Variants in PLPPR5 observed in about 807,000 individuals in gnomAD.
The protein encoded by PLPPR5 is phospholipid phosphatase related 5.
Under a neutral mutation model 33.9 loss-of-function variants are expected in PLPPR5, and 16 were observed. That is an observed-to-expected ratio of 0.47 (90% CI 0.32 to 0.72). The LOEUF (loss-of-function observed/expected upper bound fraction) is 0.72. Among genes scored for constraint, PLPPR5 ranks in the 30% least tolerant of loss-of-function variants. PLPPR5 has a pLI of 0.03. For missense variants in PLPPR5, 301 were observed against 406.7 expected (o/e 0.74, Z 2.23); for synonymous variants, 163 against 150.3 (o/e 1.08, Z -0.62).
intron 3 of PLPPR5, among the ~76,000 whole-genome samples, chr1:98,936,138 A>AT (rs1375334770): frequency 3.9e-5 from 6 of 152,234 alleles, no homozygotes; most frequent in African/African-American, 7.2e-5. Flanking sequence ...TTTGAGAATT[A>AT]TAATAGTACC....
At chr1:98,936,558 C>T (rs1434782850) in intron 3 of PLPPR5, among the ~76,000 whole-genome samples, 1 of 152,226 alleles carries the variant, frequency 6.6e-6, no homozygotes, top group African/African-American at 2.4e-5. Context: ...GTATCTCCAA[C>T]TATGGGATTG....
At chr1:99,005,578 C>T (rs1003537669), upstream of PLPPR5, among the ~76,000 whole-genome samples, 1 of 152,190 alleles carries the variant, frequency 6.6e-6, no homozygotes, top group Non-Finnish European at 1.5e-5. Flanking sequence ...CATTCTCTTG[C>T]TCATCTTTTC....
intron 5 of PLPPR5, among the ~76,000 whole-genome samples, chr1:98,913,296 A>G (rs1649220585): frequency 6.6e-6 from 1 of 152,234 alleles, no homozygotes; most frequent in South Asian, 2.1e-4. Flanking sequence ...TTTATTGAGT[A>G]TCAACTATTT....
chr1:98,980,436 A>G (rs1016826223), intron 1 of PLPPR5, among the ~76,000 whole-genome samples: 2 of 152,100 alleles, frequency 1.3e-5, no homozygotes, highest in African/African-American at 4.8e-5. Context: ...AGCCTGTCTT[A>G]TGTGCTCTTT....
intron 3 of PLPPR5, among the ~76,000 whole-genome samples, chr1:98,931,191 T>A (rs938168891): frequency 6.6e-6 from 1 of 152,190 alleles, no homozygotes; most frequent in Non-Finnish European, 1.5e-5. Flanking sequence ...TAAAAATATT[T>A]ATCTTTTTCT....
intron 1 of PLPPR5, among the ~76,000 whole-genome samples, chr1:98,979,475 G>T (rs1479379149): frequency 6.6e-6 from 1 of 152,052 alleles, no homozygotes; most frequent in Non-Finnish European, 1.5e-5. Flanking sequence ...TGCTATTATA[G>T]ACATCACATT....
intron 1 of PLPPR5, among the ~76,000 whole-genome samples, chr1:98,975,643 C>T (rs1400507385): frequency 6.6e-6 from 1 of 151,992 alleles, no homozygotes; most frequent in African/African-American, 2.4e-5. Flanking sequence ...CAGACATAAG[C>T]TTCCCCTGAT....
Position 99,004,743 on chromosome 1 carries a change from C to A in PLPPR5, c.-72G>T. The stretch of plus-strand genomic sequence containing the variant: ...GCGGTGGGCCCCCTCCCCGGTCCGC[C>A]GAGGCAGCCACCGGGGGCGCGGCGG... On this transcript the variant is annotated 5_prime_UTR_variant, in exon 1 of 6. Coordinates refer to ENST00000263177, the MANE Select transcript of PLPPR5 (RefSeq NM_001037317.2). 1 of 1,059,742 alleles carries A rather than the reference C, an allele frequency of 9.4e-7. No homozygotes were observed. The highest frequency in any genetic ancestry group is 4.6e-5 in the South Asian group (1 of 21,732). 65.6% of individuals were successfully genotyped at this position (1,059,742 alleles called of 1,614,324 possible).
Position 99,003,056 on chromosome 1 carries a change from CATATATATATATATATATATATATATAT to C in PLPPR5, c.237+1351_237+1378del, listed in dbSNP as rs59686592. On this transcript the variant is annotated intron_variant, in intron 1 of 5. Coordinates refer to ENST00000263177, the MANE Select transcript of PLPPR5 (RefSeq NM_001037317.2). ...TAACACATTTTAGCAACTTATTTTA[CATATATATATATATATATATATATATAT>C]ATATATATATATGTAAAACATTATC... Among the ~76,000 whole-genome samples the C allele has an allele frequency of 3.0e-3, 242 of 81,124 alleles. 2 individuals carry two copies. Among genetic ancestry groups the C allele is most frequent in the South Asian group, 0.013 (25 of 1,958 alleles). 53.2% of individuals were successfully genotyped at this position (81,124 alleles called of 152,430 possible).
In PLPPR5 at chr1:98,964,896, TG is replaced by T. The variant is rs558676917; in HGVS notation, c.238-8156del. The stretch of plus-strand genomic sequence containing the variant: ...ACAGCTCACTGCAGCCTCGACCTCC[TG>T]GACTCAATCCTCCTGCCTCAGCCTC... On this transcript the variant is annotated intron_variant, in intron 1 of 5. Coordinates refer to ENST00000263177, the MANE Select transcript of PLPPR5 (RefSeq NM_001037317.2). 4.7e-4 allele frequency among the ~76,000 whole-genome samples: 71 copies of T among 152,076 alleles called. No individual in the cohort carries two copies. In the East Asian group the frequency reaches 0.013, roughly 27 times the overall value.
At chr1:98,981,565 T>G (rs1652064947) in intron 1 of PLPPR5, among the ~76,000 whole-genome samples, 1 of 152,046 alleles carries the variant, frequency 6.6e-6, no homozygotes, top group Admixed American at 6.6e-5. Flanking sequence ...CATACCTCCA[T>G]CAGGATTAGT....
intron 1 of PLPPR5, among the ~76,000 whole-genome samples, chr1:98,971,730 C>G (rs1215968692): frequency 6.6e-6 from 1 of 152,046 alleles, no homozygotes; most frequent in Admixed American, 6.6e-5. Flanking sequence ...CTGCAAGCCC[C>G]CTGGCACCAA....
chr1:98,924,690 G>C (rs1034674992), intron 3 of PLPPR5, among the ~76,000 whole-genome samples: 4 of 152,132 alleles, frequency 2.6e-5, no homozygotes, highest in Non-Finnish European at 4.4e-5. Context: ...GTAAAATGTG[G>C]GCTTGGGCTA....
At chr1:98,952,008 A>G (rs190421230) in intron 3 of PLPPR5, among the ~76,000 whole-genome samples, 2 of 152,270 alleles carry the variant, frequency 1.3e-5, no homozygotes, top group Admixed American at 6.5e-5. Flanking sequence ...CACGCCTGTA[A>G]TGCCAGCACT....
chr1:98,979,241 C>A (rs1341412160), intron 1 of PLPPR5, among the ~76,000 whole-genome samples: 1 of 152,004 alleles, frequency 6.6e-6, no homozygotes, highest in East Asian at 1.9e-4. Context: ...GAGCAGTTTT[C>A]TTGTTCTTTA....
intron 3 of PLPPR5, among the ~76,000 whole-genome samples, chr1:98,948,164 G>A (rs1431840678): frequency 6.6e-6 from 1 of 152,156 alleles, no homozygotes; most frequent in African/African-American, 2.4e-5. Flanking sequence ...CTCCAAGTGA[G>A]GGCTAGCTCA....
At chr1:98,933,194 A>T (rs12144269) in intron 3 of PLPPR5, among the ~76,000 whole-genome samples, 81,966 of 145,582 alleles carry the variant, frequency 0.56, 22,400 homozygotes, top group South Asian at 0.61. Flanking sequence ...AGGGCTTTTT[A>T]AAAAAAAAAA....
chr1:98,949,084 T>A (rs547149513), intron 3 of PLPPR5, among the ~76,000 whole-genome samples: 1 of 152,302 alleles, frequency 6.6e-6, no homozygotes, highest in South Asian at 2.1e-4. Flanking sequence ...AACCTTGAAG[T>A]TCATTTGCTT....
rs149367427 is a variant in PLPPR5, at chr1:98,911,422, A to G, written c.933+3364T>C. 1.5e-3 allele frequency among the ~76,000 whole-genome samples: 231 copies of G among 152,320 alleles called. 6 individuals carry two copies. In the East Asian group the frequency reaches 0.027, roughly 18 times the overall value. ...TACATGAATACATATATTAATGAAT[A>G]CTCATCTGTAACAATTTATAGATGA... On this transcript the variant is annotated intron_variant, in intron 5 of 5. Transcript: ENST00000263177.
Sources: gnomAD v4.1 joint callset for allele counts (sites outside exome capture counted in the v4.1 genomes callset) on GRCh38, gnomAD v4.1.1 for gene constraint, MANE v1.5 for transcripts, NCBI Gene and HGNC (gene_info 2026-07-23, HGNC 2026-07-21) for gene names.